ABHD6: variants seen among roughly 807,000 people sequenced by gnomAD.
The protein encoded by ABHD6 is monoacylglycerol lipase ABHD6.
In ABHD6, 33 loss-of-function variants were observed where a neutral mutation model predicts 38.8. The ratio of observed to expected loss-of-function variants is 0.85; its 90% CI spans 0.64 to 1.14. ABHD6 has a LOEUF of 1.14. Among genes scored for constraint, ABHD6 ranks in the 50% most tolerant of loss-of-function variants. The pLI is 0.00. For synonymous variants in ABHD6, 147 were observed against 161.6 expected, an observed-to-expected ratio of 0.91 and a Z score of 0.69; for missense variants, 380 against 422.6, an observed-to-expected ratio of 0.90 and a Z score of 0.88.
chr3:58,240,715 C>A (rs1234692884), intron 1 of ABHD6, among the ~76,000 whole-genome samples: 1 of 149,304 alleles, frequency 6.7e-6, no homozygotes, highest in Non-Finnish European at 1.5e-5. Flanking sequence ...CAGGTGTGCA[C>A]CACCAAACCT....
In ABHD6 at chr3:58,290,527, C is replaced by A. The variant is rs1200511431; in HGVS notation, c.838-3062C>A. The stretch of plus-strand genomic sequence containing the variant: ...GCTGGCCTGGCAGGGGCTGACCCCC[C>A]ACCTCCCTCCCGGACGGGTCGGCTG... On this transcript the variant is annotated intron_variant, in intron 9 of 9. Coordinates refer to ENST00000478253, the MANE Select transcript of ABHD6 (RefSeq NM_001320126.2). Among the ~76,000 whole-genome samples the A allele has an allele frequency of 7.0e-4, 96 of 138,040 alleles. 4 individuals carry two copies. The highest frequency in any genetic ancestry group is 7.5e-3 in the Middle Eastern group (2 of 268). The allele number at this position is 138,040 out of a possible 152,430, so 90.6% of individuals were successfully genotyped here. A position where few individuals can be genotyped will look rare whatever the true frequency, so the allele number is the denominator to read the frequency against.
intron 7 of ABHD6, among the ~76,000 whole-genome samples, chr3:58,280,315 T>G (rs2097452165): frequency 6.6e-6 from 1 of 152,128 alleles, no homozygotes; most frequent in South Asian, 2.1e-4. Flanking sequence ...TCTAACCTTG[T>G]CTTCTCACTT....
At position 58,266,128 on chromosome 3, in the gene ABHD6, A is replaced by G. The variant is rs2097440716; in HGVS notation, c.120-1061A>G. Among the ~76,000 whole-genome samples, 1 of 152,196 alleles carries G rather than the reference A, an allele frequency of 6.6e-6. No individual in the cohort carries two copies. The highest frequency in any genetic ancestry group is 1.5e-5 in the Non-Finnish European group (1 of 68,042). On this transcript the variant is annotated intron_variant, in intron 3 of 9. Coordinates refer to ENST00000478253, the MANE Select transcript of ABHD6 (RefSeq NM_001320126.2). This position sits in a 1 kb window ranked among gnomAD's most constrained non-coding sequence, Gnocchi z 4.0. Reference sequence around the variant, plus strand: ...ATGTTCTTTACGTTTTGAGTAGGCAATGCAGTCATTAAAAAAGTTTCAAAA... The same window carrying G: ...ATGTTCTTTACGTTTTGAGTAGGCAGTGCAGTCATTAAAAAAGTTTCAAAA...
chr3:58,247,788 T>A (rs1342691237), intron 1 of ABHD6, among the ~76,000 whole-genome samples: 1 of 152,204 alleles, frequency 6.6e-6, no homozygotes, highest in Non-Finnish European at 1.5e-5. Flanking sequence ...TTGGCCAGGC[T>A]GGTCTCGAAC....
Position 58,263,157 on chromosome 3 carries a change from G to A in ABHD6, c.120-4032G>A, listed in dbSNP as rs918107556. On this transcript the variant is annotated intron_variant, in intron 3 of 9. Transcript: ENST00000478253. This position sits in a 1 kb window ranked among gnomAD's most constrained non-coding sequence, Gnocchi z 4.9. ...CAGAAGGTGGAGGTTGCAGTGAGCCGAGATCATGCCACTGCATTCCAGCCT... is the reference window on the plus strand; with the variant it reads ...CAGAAGGTGGAGGTTGCAGTGAGCCAAGATCATGCCACTGCATTCCAGCCT... 6.6e-6 allele frequency among the ~76,000 whole-genome samples: 1 copy of A among 152,118 alleles called. No individual in the cohort carries two copies. The highest frequency in any genetic ancestry group is 1.5e-5 in the Non-Finnish European group (1 of 68,024).
chr3:58,254,042 A>C (rs1219887595), intron 2 of ABHD6, among the ~76,000 whole-genome samples: 1 of 152,228 alleles, frequency 6.6e-6, no homozygotes, highest in African/African-American at 2.4e-5. Context: ...GTAGATACCT[A>C]ACAGCAAAGA....
In ABHD6 at chr3:58,293,848, T is replaced by C. The variant is rs2097465303; in HGVS notation, c.*83T>C. 3 of 1,492,968 alleles carry C rather than the reference T, an allele frequency of 2.0e-6. No individual in the cohort carries two copies. Among genetic ancestry groups the C allele is most frequent in the Non-Finnish European group, 2.7e-6 (3 of 1,102,714 alleles). The allele number at this position is 1,492,968 out of a possible 1,614,324, so 92.5% of individuals were successfully genotyped here. On this transcript the variant is annotated 3_prime_UTR_variant, in exon 10 of 10. Coordinates refer to ENST00000478253, the MANE Select transcript of ABHD6 (RefSeq NM_001320126.2). This position sits in a 1 kb window ranked among gnomAD's most constrained non-coding sequence, Gnocchi z 4.4. ...ACGCAGCCACCACTCTCAGGGATCC[T>C]GCCCCAAATGCGGTCGGAGCGCCAG...
chr3:58,264,387 GCACA>G (rs61099164), intron 3 of ABHD6, among the ~76,000 whole-genome samples: 5,184 of 131,936 alleles, frequency 0.039, 202 homozygotes, highest in Middle Eastern at 0.072. Context: ...TTATATAAAC[GCACA>G]CACACACACA....
intron 7 of ABHD6, among the ~76,000 whole-genome samples, chr3:58,275,902 T>G (rs2097448380): frequency 6.6e-6 from 1 of 152,168 alleles, no homozygotes; most frequent in South Asian, 2.1e-4. Context: ...TTGCTGAGAA[T>G]GATGGTTTCC....
chr3:58,241,627 C>T (rs370857236), intron 1 of ABHD6, among the ~76,000 whole-genome samples: 2 of 152,120 alleles, frequency 1.3e-5, no homozygotes, highest in East Asian at 3.8e-4. Context: ...AGGATTCATA[C>T]GTTACATATG....
intron 1 of ABHD6, among the ~76,000 whole-genome samples, chr3:58,247,042 T>C (rs1276556905): frequency 6.7e-6 from 1 of 150,086 alleles, no homozygotes; most frequent in African/African-American, 2.4e-5. Flanking sequence ...AATGGGCCTT[T>C]TTTTTTTTTT....
intron 3 of ABHD6, among the ~76,000 whole-genome samples, chr3:58,261,370 C>T (rs1377124790): frequency 1.3e-5 from 2 of 152,136 alleles, no homozygotes; most frequent in African/African-American, 2.4e-5. Flanking sequence ...GCAGCTCATG[C>T]TTGTAATTTC....
rs756946712 is a variant in ABHD6, at chr3:58,263,999, A to G, written c.120-3190A>G. On this transcript the variant is annotated intron_variant, in intron 3 of 9. Transcript: ENST00000478253. This position sits in a 1 kb window ranked among gnomAD's most constrained non-coding sequence, Gnocchi z 4.9. ...GTTTTTTTTAACAGAATTGGAATCA[A>G]TAGTATTTAAAAAAATTGGGTCCTG... Among the ~76,000 whole-genome samples the G allele has an allele frequency of 6.6e-6, 1 of 152,072 alleles. No individual in the cohort carries two copies. The highest frequency in any genetic ancestry group is 6.6e-5 in the Admixed American group (1 of 15,258).
At position 58,285,687 on chromosome 3, in the gene ABHD6, T is replaced by C. The variant is rs1271047569; in HGVS notation, c.837+234T>C. ...GACAATTTTAAATCATTTTCAAAAA[T>C]TGTTTTTATCAAAGCCATGTAGTCA... On this transcript the variant is annotated intron_variant, in intron 9 of 9. Coordinates refer to ENST00000478253, the MANE Select transcript of ABHD6 (RefSeq NM_001320126.2). This position sits in a 1 kb window ranked among gnomAD's most constrained non-coding sequence, Gnocchi z 4.9. Among the ~76,000 whole-genome samples the C allele has an allele frequency of 1.3e-5, 2 of 152,184 alleles. No individual in the cohort carries two copies. Among genetic ancestry groups the C allele is most frequent in the Non-Finnish European group, 2.9e-5 (2 of 68,038 alleles).
rs551030334 is a variant in ABHD6, at chr3:58,239,995, A to T, written c.-91+2079A>T. ...TGAAACCCCATCTCTACCAAAAAAA[A>T]AAAAAAATTAGCTGGGAGTGGTGTT... On this transcript the variant is annotated intron_variant, in intron 1 of 9. Coordinates refer to ENST00000478253, the MANE Select transcript of ABHD6 (RefSeq NM_001320126.2). 9.5e-3 allele frequency among the ~76,000 whole-genome samples: 1,439 copies of T among 151,552 alleles called. 27 individuals are homozygous for T. The highest frequency in any genetic ancestry group is 0.033 in the African/African-American group (1,374 of 41,292).
At position 58,254,998 on chromosome 3, in the gene ABHD6, A is replaced by G. The variant is rs890892752; in HGVS notation, c.-25-1564A>G. ...CTCCCAAAGTGTTGAGATTACAGGC[A>G]TGGGCCACGGAACCCAGCCTGAAGT... is the stretch of plus-strand genomic sequence containing the variant. On this transcript the variant is annotated intron_variant, in intron 2 of 9. Coordinates refer to ENST00000478253, the MANE Select transcript of ABHD6 (RefSeq NM_001320126.2). 2.0e-5 allele frequency among the ~76,000 whole-genome samples: 3 copies of G among 152,014 alleles called. No homozygotes were observed. In the East Asian group the frequency reaches 5.8e-4, roughly 30 times the overall value.
intron 1 of ABHD6, among the ~76,000 whole-genome samples, chr3:58,242,870 C>T (rs2097423771): frequency 6.6e-6 from 1 of 152,204 alleles, no homozygotes; most frequent in Non-Finnish European, 1.5e-5. Flanking sequence ...ATCCCTCCCC[C>T]ATCCCCCTGC....
intron 2 of ABHD6, among the ~76,000 whole-genome samples, chr3:58,253,940 G>C (rs1175785055): frequency 6.6e-6 from 1 of 152,204 alleles, no homozygotes; most frequent in Non-Finnish European, 1.5e-5. Context: ...GGGTGCATCT[G>C]TCTCCTTCTC....
chr3:58,251,267 A>G lies in ABHD6; in HGVS notation c.-26+1325A>G, dbSNP rs553145006. ...AGGAGGCGGAGGTTGCAGTGAGCCAAGATTGTACCACTACACTCCAGCCTG... is the reference window on the plus strand; with the variant it reads ...AGGAGGCGGAGGTTGCAGTGAGCCAGGATTGTACCACTACACTCCAGCCTG... On this transcript the variant is annotated intron_variant, in intron 2 of 9. Coordinates refer to ENST00000478253, the MANE Select transcript of ABHD6 (RefSeq NM_001320126.2). This position sits in a 1 kb window ranked among gnomAD's most constrained non-coding sequence, Gnocchi z 5.4. Among the ~76,000 whole-genome samples, 5 of 151,952 alleles carry G rather than the reference A, an allele frequency of 3.3e-5. No individual in the cohort carries two copies. The South Asian group carries it at 1.0e-3, about 32-fold the overall frequency.
Sources: allele counts gnomAD v4.1 joint callset (sites outside exome capture counted in the v4.1 genomes callset), GRCh38; gene constraint gnomAD v4.1.1; non-coding constraint Gnocchi (gnomAD v3.1); transcripts MANE v1.5; gene names NCBI Gene and HGNC (gene_info 2026-07-23, HGNC 2026-07-21).